The following RBP7 variants were observed in gnomAD, a reference collection of about 807,000 sequenced individuals.
RBP7 encodes the protein retinoid-binding protein 7.
Under a neutral mutation model 16.7 loss-of-function variants are expected in RBP7, and 13 were observed. The ratio of observed to expected loss-of-function variants is 0.78; its 90% CI spans 0.51 to 1.24. The LOEUF (loss-of-function observed/expected upper bound fraction) is 1.24. RBP7 is among the 50% of genes most tolerant of loss of function. The probability of loss-of-function intolerance (pLI) is 0.00; values close to 1 mark genes in which losing one functional copy is unlikely to be tolerated. For synonymous variants in RBP7, 54 were observed against 56.2 expected (o/e 0.96, Z 0.17); for missense variants, 145 against 159.5 (o/e 0.91, Z 0.49).
At chr1:10,008,395 G>T in intron 3 of RBP7, 121 bp downstream of exon 3, 2 of 590,250 alleles carry the variant, frequency 3.4e-6, no homozygotes, top group Admixed American at 2.8e-5. Flanking sequence ...TGTATCACTT[G>T]AGGTCAGGAG....
At chr1:10,013,809 G>A (rs1007425855) in intron 3 of RBP7, among the ~76,000 whole-genome samples, 2 of 151,440 alleles carry the variant, frequency 1.3e-5, no homozygotes, top group African/African-American at 2.4e-5. Context: ...AGACTCCGTC[G>A]CAAAAAATTA....
Position 10,015,929 on chromosome 1 carries a change from G to C in RBP7, c.*97G>C. 1.7e-6 allele frequency: 2 copies of C among 1,162,022 alleles called. No individual in the cohort carries two copies. The highest frequency in any genetic ancestry group is 2.6e-6 in the Non-Finnish European group (2 of 782,138). The allele number at this position is 1,162,022 out of a possible 1,614,324, so 72.0% of individuals were successfully genotyped here. A position where few individuals can be genotyped will look rare whatever the true frequency, so the allele number is the denominator to read the frequency against. On this transcript the variant is annotated 3_prime_UTR_variant, in exon 4 of 4. Coordinates refer to ENST00000294435, the MANE Select transcript of RBP7 (RefSeq NM_052960.3). ...TTTATCTATCCCATTTGGCGACGAG[G>C]ACTCGTGGCTGGAGAGAGCCACACA...
rs987211251 is a variant in RBP7 at position 10,007,458 on chromosome 1, G to T, written c.74-112G>T. On this transcript the variant is annotated intron_variant, in intron 1 of 3. Coordinates refer to ENST00000294435, the MANE Select transcript of RBP7 (RefSeq NM_052960.3). ...GATTTTGGCAGCAAACAACATAGAAGTCGTACAGGAAATGCTAACAATTAC... is the reference window on the plus strand; with the variant it reads ...GATTTTGGCAGCAAACAACATAGAATTCGTACAGGAAATGCTAACAATTAC... The T allele has an allele frequency of 1.1e-5, 9 of 799,990 alleles. No homozygotes were observed. In the African/African-American group the frequency reaches 1.4e-4, roughly 12 times the overall value. 49.6% of individuals were successfully genotyped at this position (799,990 alleles called of 1,614,324 possible).
In RBP7 at chr1:10,008,307, T is replaced by C. The variant is rs375454346; in HGVS notation, c.354+33T>C. 65 of 1,407,376 alleles carry C rather than the reference T, an allele frequency of 4.6e-5. 1 individual carries two copies. In the African/African-American group the frequency reaches 8.8e-4, roughly 19 times the overall value. The allele number at this position is 1,407,376 out of a possible 1,614,324, so 87.2% of individuals were successfully genotyped here. A position where few individuals can be genotyped will look rare whatever the true frequency, so the allele number is the denominator to read the frequency against. On this transcript the variant is annotated intron_variant, in intron 3 of 3. Transcript: ENST00000294435. ...CCACATTTTGTTCTTAATGAGATGA[T>C]ACAGTATTAAAGGAAACATCAGGCC...
At chr1:10,012,216 A>G (rs113497667) in intron 3 of RBP7, among the ~76,000 whole-genome samples, 37 of 148,306 alleles carry the variant, frequency 2.5e-4, no homozygotes, top group African/African-American at 9.2e-4. Flanking sequence ...CATCTCAAAA[A>G]AAAAAAAAAA....
intron 3 of RBP7, among the ~76,000 whole-genome samples, chr1:10,012,333 A>G (rs1642647621): frequency 6.6e-6 from 1 of 151,762 alleles, no homozygotes; most frequent in Non-Finnish European, 1.5e-5. Context: ...GTGAGCCAAG[A>G]TCATGCCACT....
In RBP7 at chr1:9,997,396, G is replaced by T; in HGVS notation, c.73+65G>T. 3 of 1,483,150 alleles carry T rather than the reference G, an allele frequency of 2.0e-6. No homozygotes were observed. The highest frequency in any genetic ancestry group is 1.4e-5 in the African/African-American group (1 of 71,454). 91.9% of individuals were successfully genotyped at this position (1,483,150 alleles called of 1,614,324 possible). ...GTGGGTCTCGGGATCAGGCGAAGGC[G>T]GCCGGGCCGGGCCTGTAGGTACGTC... On this transcript the variant is annotated intron_variant, in intron 1 of 3. Transcript: ENST00000294435. This position sits in a 1 kb window ranked among gnomAD's most constrained non-coding sequence, Gnocchi z 5.9.
intron 1 of RBP7, among the ~76,000 whole-genome samples, chr1:10,004,711 T>C (rs914794118): frequency 1.3e-5 from 2 of 152,216 alleles, no homozygotes; most frequent in Non-Finnish European, 2.9e-5. Context: ...TCTAAAGTTA[T>C]TGGGTTTTGA....
At chr1:10,006,917 G>C in intron 1 of RBP7, 1 of 427,542 alleles carries the variant, frequency 2.3e-6, no homozygotes, top group Non-Finnish European at 4.6e-6. Flanking sequence ...GCTGGGTTGG[G>C]GGGCCTAAGC....
rs770377172 is a variant in RBP7, at chr1:9,997,339, G to C, written c.73+8G>C. 2 of 1,609,756 alleles carry C rather than the reference G, an allele frequency of 1.2e-6. No individual in the cohort carries two copies. ...GCTACATGCTGGCCCTAGGTAAGGCGGAGGGGAGGCGGCGGCGGCGCGAGG... is the reference window on the plus strand; with the variant it reads ...GCTACATGCTGGCCCTAGGTAAGGCCGAGGGGAGGCGGCGGCGGCGCGAGG... On this transcript the variant is annotated splice_region_variant and intron_variant, in intron 1 of 3. Transcript: ENST00000294435. This position sits in a 1 kb window ranked among gnomAD's most constrained non-coding sequence, Gnocchi z 5.9.
chr1:10,013,780 AGCCCGG>A lies in RBP7; in HGVS notation c.355-1999_355-1994del, dbSNP rs1642697976. ...AGCCGAGATCGCGCCATTGCACTCC[AGCCCGG>A]GCAACAAGAGCAAGACTCCGTCGCA... On this transcript the variant is annotated intron_variant, in intron 3 of 3. Transcript: ENST00000294435. Among the ~76,000 whole-genome samples, 3 of 151,946 alleles carry A rather than the reference AGCCCGG, an allele frequency of 2.0e-5. No homozygotes were observed. The South Asian group carries it at 6.2e-4, about 32-fold the overall frequency.
chr1:10,006,254 C>T (rs1419625403), intron 1 of RBP7, among the ~76,000 whole-genome samples: 5 of 152,100 alleles, frequency 3.3e-5, no homozygotes, highest in Non-Finnish European at 7.4e-5. Context: ...TGTCTGTAAT[C>T]CCAGCACTTT....
chr1:10,007,650 A>G lies in RBP7; in HGVS notation c.154A>G (p.Ile52Val). The G allele has an allele frequency of 1.9e-6, 3 of 1,614,078 alleles. No homozygotes were observed. The highest frequency in any genetic ancestry group is 1.1e-5 in the South Asian group (1 of 91,090). Reference protein sequence around the residue: ...VIEQNGDSFTIHTNSSLRNYF... With the variant: ...VIEQNGDSFTVHTNSSLRNYF... ...TGAGCAGAATGGGGATTCTTTTACC[A>G]TCCACACGAACAGCAGCCTAAGGAA... Residue 52 changes from isoleucine to valine, a missense_variant, in exon 2 of 4, where the codon ATC becomes GTC. By Grantham distance (29) the Ile-to-Val change is conservative (BLOSUM62 3). Coordinates refer to ENST00000294435, the MANE Select transcript of RBP7 (RefSeq NM_052960.3).
In RBP7 at chr1:10,008,365, T is replaced by G. The variant is rs180991465; in HGVS notation, c.354+91T>G. On this transcript the variant is annotated intron_variant, in intron 3 of 3. Coordinates refer to ENST00000294435, the MANE Select transcript of RBP7 (RefSeq NM_052960.3). Reference sequence around the variant, plus strand: ...GTGGCTCACACCTGTAATCCCAGCATTTTAGGAGGCCGAGGTGGGTGTATC... The same window carrying G: ...GTGGCTCACACCTGTAATCCCAGCAGTTTAGGAGGCCGAGGTGGGTGTATC... The G allele has an allele frequency of 3.5e-5, 27 of 776,798 alleles. No homozygotes were observed. In the Admixed American group the frequency reaches 5.7e-4, roughly 16 times the overall value. 48.1% of individuals were successfully genotyped at this position (776,798 alleles called of 1,614,324 possible).
At chr1:10,007,817 C>G (rs1642488571) in intron 2 of RBP7, 69 bp downstream of exon 2, 1 of 1,406,164 alleles carries the variant, frequency 7.1e-7, no homozygotes, top group Non-Finnish European at 9.8e-7. Flanking sequence ...GAGGCCAACG[C>G]AGGCGGACCA....
intron 1 of RBP7, among the ~76,000 whole-genome samples, chr1:9,998,533 C>G (rs892380823): frequency 2.0e-5 from 3 of 151,140 alleles, no homozygotes; most frequent in South Asian, 2.1e-4. Flanking sequence ...TCAGCCTCTC[C>G]GAGTAGCTGG....
intron 3 of RBP7, among the ~76,000 whole-genome samples, chr1:10,010,427 G>A (rs1397920583): frequency 6.7e-6 from 1 of 150,236 alleles, no homozygotes; most frequent in African/African-American, 2.4e-5. Context: ...GTTTTTGTTT[G>A]TGTTTTTGAG....
At chr1:10,015,645 A>G in intron 3 of RBP7, 137 bp from the exon 4 acceptor site, 2 of 686,442 alleles carry the variant, frequency 2.9e-6, no homozygotes, top group Non-Finnish European at 5.1e-6. Context: ...CCAGGACGAC[A>G]GAGTGAGACC....
At chr1:10,006,145 A>G (rs1210360259) in intron 1 of RBP7, among the ~76,000 whole-genome samples, 1 of 152,164 alleles carries the variant, frequency 6.6e-6, no homozygotes, top group Non-Finnish European at 1.5e-5. Flanking sequence ...TGGAACTGGG[A>G]TTCCAAACCC....
Sources: allele counts gnomAD v4.1 joint callset (sites outside exome capture counted in the v4.1 genomes callset), GRCh38; gene constraint gnomAD v4.1.1; non-coding constraint Gnocchi (gnomAD v3.1); transcripts MANE v1.5; gene names NCBI Gene and HGNC (gene_info 2026-07-23, HGNC 2026-07-21).